Variants in ROBO1 observed in about 807,000 individuals in gnomAD.
The protein encoded by ROBO1 is roundabout homolog 1.
ROBO1 carries 149 observed loss-of-function variants against 195.9 expected under a neutral mutation model. The ratio of observed to expected loss-of-function variants is 0.76; its 90% confidence interval spans 0.67 to 0.87. The LOEUF (loss-of-function observed/expected upper bound fraction) is 0.87, where lower values mean the gene tolerates loss of function less well. Among genes scored for constraint, ROBO1 ranks in the 40% least tolerant of loss-of-function variants. The pLI is 0.00. For synonymous variants in ROBO1, 816 were observed against 733.2 expected, an observed-to-expected ratio of 1.11 and a Z score of -1.82; for missense variants, 1,933 against 2,068.3, an observed-to-expected ratio of 0.93 and a Z score of 1.27.
chr3:78,727,409 A>G (rs904239100), intron 5 of ROBO1, among the ~76,000 whole-genome samples: 1 of 152,136 alleles, frequency 6.6e-6, no homozygotes, highest in African/African-American at 2.4e-5. Context: ...GGCGGATCAC[A>G]AGGTCAGGAG....
chr3:78,688,813 T>G, intron 8 of ROBO1, 41 bp from the exon 9 acceptor site: 1 of 1,573,708 alleles, frequency 6.4e-7, no homozygotes, highest in Admixed American at 1.8e-5. Context: ...TAAAAGCACG[T>G]TGTTATTGTC....
intron 5 of ROBO1, among the ~76,000 whole-genome samples, chr3:78,740,153 TATC>T (rs561589098): frequency 2.6e-5 from 4 of 151,978 alleles, no homozygotes; most frequent in Admixed American, 6.6e-5. Context: ...TGCTTACTAT[TATC>T]ATCATCATCA....
intron 1 of ROBO1, among the ~76,000 whole-genome samples, chr3:79,673,673 C>A (rs1946697408): frequency 6.6e-6 from 1 of 151,888 alleles, no homozygotes; most frequent in East Asian, 1.9e-4. Context: ...TTTTGAATAG[C>A]AAGAATAACT....
intron 2 of ROBO1, among the ~76,000 whole-genome samples, chr3:79,249,539 T>C (rs1181409350): frequency 1.3e-5 from 2 of 152,178 alleles, no homozygotes; most frequent in Non-Finnish European, 2.9e-5. Flanking sequence ...AGTTCTGTTA[T>C]GATTGATTCA....
intron 2 of ROBO1, among the ~76,000 whole-genome samples, chr3:79,193,668 C>T (rs567889836): frequency 4.5e-5 from 6 of 134,106 alleles, no homozygotes; most frequent in Admixed American, 4.3e-4. Context: ...CTACCTTTCT[C>T]TGATTTTAGG....
rs565831288 is a variant in ROBO1, at chr3:79,712,097, C to T, written c.-51+55655G>A. On this transcript the variant is annotated intron_variant, in intron 1 of 30. Transcript: ENST00000464233. ...CACAACAATATTGAAACCAGAACAA[C>T]GAATAACCCTACAAAGACCTCTAAA... Among the ~76,000 whole-genome samples, 170 of 152,102 alleles carry T rather than the reference C, an allele frequency of 1.1e-3. 1 individual carries two copies. Among genetic ancestry groups the T allele is most frequent in the African/African-American group, 3.9e-3 (162 of 41,512 alleles).
rs568943059 is a variant in ROBO1, at chr3:78,929,993, T to C, written c.499+8608A>G. On this transcript the variant is annotated intron_variant, in intron 4 of 30. Coordinates refer to ENST00000464233, the MANE Select transcript of ROBO1 (RefSeq NM_002941.4). Reference sequence around the variant, plus strand: ...TCGTATTACTGGAAGTCAGCTAAATTCCCCAAGTAATGTTATCCCCAAAAG... The same window carrying C: ...TCGTATTACTGGAAGTCAGCTAAATCCCCCAAGTAATGTTATCCCCAAAAG... 8.5e-5 allele frequency among the ~76,000 whole-genome samples: 13 copies of C among 152,126 alleles called. No homozygotes were observed. The South Asian group carries it at 2.5e-3, about 29-fold the overall frequency.
At chr3:79,591,723 T>C (rs1944005459) in intron 1 of ROBO1, among the ~76,000 whole-genome samples, 2 of 151,910 alleles carry the variant, frequency 1.3e-5, no homozygotes, top group African/African-American at 4.8e-5. Flanking sequence ...TGGCTTATGA[T>C]CACATTCCTC....
chr3:78,752,637 C>G (rs1285810496), intron 4 of ROBO1, among the ~76,000 whole-genome samples: 1 of 151,974 alleles, frequency 6.6e-6, no homozygotes, highest in Non-Finnish European at 1.5e-5. Flanking sequence ...AAAAAATATT[C>G]CAACAAAAGG....
intron 2 of ROBO1, among the ~76,000 whole-genome samples, chr3:79,401,569 T>A (rs2037367290): frequency 6.6e-6 from 1 of 151,830 alleles, no homozygotes; most frequent in Admixed American, 6.6e-5. Context: ...TGGAAGCATT[T>A]TAATTAAGTT....
chr3:78,915,910 G>A (rs2107563315), intron 4 of ROBO1, among the ~76,000 whole-genome samples: 1 of 152,220 alleles, frequency 6.6e-6, no homozygotes, highest in South Asian at 2.1e-4. Flanking sequence ...CTCCTGCCTT[G>A]GCCTCCCAAA....
At position 78,696,767 on chromosome 3, in the gene ROBO1, C is replaced by T. The variant is rs146632226; in HGVS notation, c.1046-7995G>A. Among the ~76,000 whole-genome samples the T allele has an allele frequency of 7.9e-3, 1,150 of 145,558 alleles. 8 individuals are homozygous for T. Among genetic ancestry groups the T allele is most frequent in the African/African-American group, 0.028 (1,099 of 39,718 alleles). ...ATATATACACATATATATATATAAA[C>T]TGGTTTTAAGGAATTCATGATGTTA... On this transcript the variant is annotated intron_variant, in intron 8 of 30. Coordinates refer to ENST00000464233, the MANE Select transcript of ROBO1 (RefSeq NM_002941.4).
At chr3:78,881,612 C>T (rs1168570249) in intron 4 of ROBO1, among the ~76,000 whole-genome samples, 1 of 152,092 alleles carries the variant, frequency 6.6e-6, no homozygotes, top group African/African-American at 2.4e-5. Context: ...CAACAAGAGC[C>T]ACTATTTTTC....
At chr3:79,761,548 C>G (rs1192817487) in intron 1 of ROBO1, among the ~76,000 whole-genome samples, 2 of 152,084 alleles carry the variant, frequency 1.3e-5, no homozygotes, top group Non-Finnish European at 2.9e-5. Flanking sequence ...TCAAACTTGT[C>G]ATAATAATAA....
chr3:78,690,871 C>T (rs892452508), intron 8 of ROBO1, among the ~76,000 whole-genome samples: 2 of 152,108 alleles, frequency 1.3e-5, no homozygotes, highest in East Asian at 3.9e-4. Flanking sequence ...GTGCCAGAAT[C>T]TATGTTTCTT....
At chr3:79,112,777 G>A (rs372246880) in intron 3 of ROBO1, among the ~76,000 whole-genome samples, 9 of 149,424 alleles carry the variant, frequency 6.0e-5, no homozygotes, top group Non-Finnish European at 8.9e-5. Flanking sequence ...GTGCGGGGAG[G>A]GGGGAGGGAT....
chr3:79,621,909 C>G (rs760015640), intron 1 of ROBO1, among the ~76,000 whole-genome samples: 2 of 152,116 alleles, frequency 1.3e-5, no homozygotes, highest in African/African-American at 4.8e-5. Context: ...ACCTGGGGAG[C>G]GGGCCAAGAT....
intron 2 of ROBO1, among the ~76,000 whole-genome samples, chr3:79,352,500 T>A (rs1009743097): frequency 3.9e-5 from 6 of 152,132 alleles, no homozygotes; most frequent in Non-Finnish European, 8.8e-5. Flanking sequence ...TTTCACAAGT[T>A]TTTGCCTGCA....
At chr3:78,753,625 C>T (rs559264282) in intron 4 of ROBO1, among the ~76,000 whole-genome samples, 1 of 152,192 alleles carries the variant, frequency 6.6e-6, no homozygotes, top group South Asian at 2.1e-4. Flanking sequence ...ATCGACCTGA[C>T]ATCTAGGTTT....
Sources: gnomAD v4.1 joint callset for allele counts (sites outside exome capture counted in the v4.1 genomes callset) on GRCh38, gnomAD v4.1.1 for gene constraint, MANE v1.5 for transcripts, NCBI Gene and HGNC (gene_info 2026-07-23, HGNC 2026-07-21) for gene names.